RBFOX1: variants seen among roughly 807,000 people sequenced by gnomAD.
RBFOX1 encodes RNA binding protein fox-1 homolog 1.
A neutral mutation model predicts 57.7 loss-of-function variants in RBFOX1; 8 were observed. That is an observed-to-expected ratio of 0.14 (90% CI 0.08 to 0.25). The LOEUF (loss-of-function observed/expected upper bound fraction) is 0.25. Ranked by LOEUF, RBFOX1 falls within the 10% of genes least tolerant of loss-of-function variation. RBFOX1 has a pLI of 1.00. For missense variants in RBFOX1, 611 were observed against 548.5 expected (o/e 1.11, Z -1.14); for synonymous variants, 326 against 222.4 (o/e 1.47, Z -4.15).
chr16:6,784,724 T>A (rs1041326213), intron 3 of RBFOX1, among the ~76,000 whole-genome samples: 17 of 152,004 alleles, frequency 1.1e-4, no homozygotes, highest in African/African-American at 4.1e-4. Context: ...TGCTTTATTG[T>A]GTGGATAGTT....
chr16:6,061,747 A>T (rs1468962734), intron 1 of RBFOX1, among the ~76,000 whole-genome samples: 4 of 152,164 alleles, frequency 2.6e-5, no homozygotes, highest in Admixed American at 1.3e-4. Flanking sequence ...ACTCACACTC[A>T]TATAGCACAG....
At chr16:6,843,299 C>T (rs577979774) in intron 3 of RBFOX1, among the ~76,000 whole-genome samples, 41 of 152,004 alleles carry the variant, frequency 2.7e-4, no homozygotes, top group Middle Eastern at 6.8e-3. Context: ...ACAGAGTGGC[C>T]ATGGTGGTCT....
At chr16:5,380,998 A>G (rs775957155) in intron 1 of RBFOX1, among the ~76,000 whole-genome samples, 12 of 152,238 alleles carry the variant, frequency 7.9e-5, no homozygotes, top group Non-Finnish European at 1.5e-4. Context: ...TTTTTTATCA[A>G]TCAGTGGCGG....
intron 4 of RBFOX1, among the ~76,000 whole-genome samples, chr16:5,954,424 A>G (rs2059583904): frequency 6.6e-6 from 1 of 150,988 alleles, no homozygotes; most frequent in Non-Finnish European, 1.5e-5. Flanking sequence ...GAAGCATTAA[A>G]CCCAGCAGAA....
At chr16:7,494,227 T>A (rs964656326) in intron 4 of RBFOX1, among the ~76,000 whole-genome samples, 1 of 152,216 alleles carries the variant, frequency 6.6e-6, no homozygotes, top group African/African-American at 2.4e-5. Flanking sequence ...CAGATGAGAT[T>A]GGCCTTGCTG....
chr16:5,557,649 T>C (rs2045729944), intron 2 of RBFOX1, among the ~76,000 whole-genome samples: 2 of 152,126 alleles, frequency 1.3e-5, no homozygotes, highest in Non-Finnish European at 2.9e-5. Context: ...CCCTGAGGCA[T>C]TGTGTGATCT....
intron 3 of RBFOX1, among the ~76,000 whole-genome samples, chr16:6,990,381 C>A (rs192417511): frequency 6.6e-6 from 1 of 152,042 alleles, no homozygotes; most frequent in East Asian, 1.9e-4. Flanking sequence ...AAAAGTTAGC[C>A]GGTAGTGGTG....
intron 3 of RBFOX1, among the ~76,000 whole-genome samples, chr16:6,834,518 G>C (rs766275380): frequency 3.9e-5 from 6 of 151,936 alleles, no homozygotes; most frequent in Non-Finnish European, 8.8e-5. Context: ...ATGAATGAAT[G>C]AATGAATGAA....
intron 3 of RBFOX1, among the ~76,000 whole-genome samples, chr16:6,955,993 A>C (rs1476661396): frequency 6.6e-6 from 1 of 152,196 alleles, no homozygotes; most frequent in Non-Finnish European, 1.5e-5. Flanking sequence ...GATGTGAGCC[A>C]CCAGACCCGG....
At chr16:6,086,125 C>T (rs1360283846) in intron 1 of RBFOX1, among the ~76,000 whole-genome samples, 2 of 152,158 alleles carry the variant, frequency 1.3e-5, no homozygotes, top group Non-Finnish European at 2.9e-5. Flanking sequence ...CTCCCAGCTT[C>T]ATCCATGTCC....
intron 14 of RBFOX1, among the ~76,000 whole-genome samples, chr16:7,702,925 C>T (rs929642504): frequency 5.8e-4 from 88 of 152,182 alleles, no homozygotes; most frequent in African/African-American, 2.1e-3. Context: ...GGATGAGAAT[C>T]ACTTCTTCCT....
At chr16:5,995,958 G>C (rs113774852) in intron 4 of RBFOX1, among the ~76,000 whole-genome samples, 13 of 152,264 alleles carry the variant, frequency 8.5e-5, no homozygotes, top group African/African-American at 3.1e-4. Flanking sequence ...TATGTGGTGA[G>C]GGCCCATGTT....
At position 6,913,923 on chromosome 16, in the gene RBFOX1, C is replaced by T. The variant is rs926822406; in HGVS notation, c.-15-138134C>T. 5.9e-5 allele frequency among the ~76,000 whole-genome samples: 9 copies of T among 152,166 alleles called. 1 individual carries two copies. Among genetic ancestry groups the T allele is most frequent in the African/African-American group, 1.7e-4 (7 of 41,434 alleles). ...ACTTTTATAAAGCAAACACTAAAGG[C>T]CTCTTGGGGTGAAGGATATTATAAT... On this transcript the variant is annotated intron_variant, in intron 3 of 15. Coordinates refer to ENST00000550418, the MANE Select transcript of RBFOX1 (RefSeq NM_018723.4).
chr16:6,114,537 C>G (rs1298805665), intron 1 of RBFOX1, among the ~76,000 whole-genome samples: 1 of 147,984 alleles, frequency 6.8e-6, no homozygotes, highest in Non-Finnish European at 1.5e-5. Context: ...TGGAACTTGT[C>G]AATTAGAATC....
intron 3 of RBFOX1, among the ~76,000 whole-genome samples, chr16:6,656,845 T>C (rs898154389): frequency 6.6e-6 from 1 of 151,938 alleles, no homozygotes; most frequent in Non-Finnish European, 1.5e-5. Context: ...TAAGGACTTT[T>C]TTTAAAAAAG....
At chr16:6,122,269 A>G (rs2096556156) in intron 1 of RBFOX1, among the ~76,000 whole-genome samples, 1 of 151,874 alleles carries the variant, frequency 6.6e-6, no homozygotes, top group Non-Finnish European at 1.5e-5. Flanking sequence ...CTCATCTGCT[A>G]GTCTGTGAGC....
At chr16:6,530,445 G>C (rs958620621) in intron 2 of RBFOX1, among the ~76,000 whole-genome samples, 1 of 152,150 alleles carries the variant, frequency 6.6e-6, no homozygotes, top group Non-Finnish European at 1.5e-5. Context: ...GTTGCTATTT[G>C]TCTGGTTTCT....
At chr16:5,325,833 G>A (rs779605138) in intron 1 of RBFOX1, among the ~76,000 whole-genome samples, 1 of 152,148 alleles carries the variant, frequency 6.6e-6, no homozygotes, top group Admixed American at 6.5e-5. Flanking sequence ...CCCTCTGAGG[G>A]ATATTTGAGT....
intron 1 of RBFOX1, among the ~76,000 whole-genome samples, chr16:6,125,718 A>G (rs2096584807): frequency 6.6e-6 from 1 of 152,138 alleles, no homozygotes; most frequent in Non-Finnish European, 1.5e-5. Context: ...CTGGTTGATC[A>G]GGATTTGCAG....
Sources: gnomAD v4.1 joint callset for allele counts (sites outside exome capture counted in the v4.1 genomes callset) on GRCh38, gnomAD v4.1.1 for gene constraint, MANE v1.5 for transcripts, NCBI Gene and HGNC (gene_info 2026-07-23, HGNC 2026-07-21) for gene names.